PTPRD: variants seen among roughly 807,000 people sequenced by gnomAD.
PTPRD encodes receptor-type tyrosine-protein phosphatase delta.
PTPRD carries 34 observed loss-of-function variants against 214.5 expected under a neutral mutation model. The ratio of observed to expected loss-of-function variants is 0.16; its 90% CI spans 0.12 to 0.21. The LOEUF is 0.21. Among genes scored for constraint, PTPRD ranks in the 10% least tolerant of loss-of-function variants. The probability of loss-of-function intolerance (pLI) is 1.00; values close to 1 mark genes in which losing one functional copy is unlikely to be tolerated. For synonymous variants in PTPRD, 1,128 were observed against 845.7 expected, an observed-to-expected ratio of 1.33 and a Z score of -5.79; for missense variants, 2,545 against 2,398.7, an observed-to-expected ratio of 1.06 and a Z score of -1.27.
intron 8 of PTPRD, among the ~76,000 whole-genome samples, chr9:9,568,185 C>T (rs2085191049): frequency 6.6e-6 from 1 of 151,702 alleles, no homozygotes; most frequent in Non-Finnish European, 1.5e-5. Flanking sequence ...AAGTTAGTTT[C>T]CTGTTATTTG....
intron 11 of PTPRD, among the ~76,000 whole-genome samples, chr9:8,768,853 G>T (rs2094965458): frequency 6.6e-6 from 1 of 152,170 alleles, no homozygotes; most frequent in Non-Finnish European, 1.5e-5. Context: ...TAAGAAAAAT[G>T]AAACTCACTG....
At chr9:10,483,107 T>C (rs113484029) in intron 2 of PTPRD, among the ~76,000 whole-genome samples, 2,561 of 152,158 alleles carry the variant, frequency 0.017, 66 homozygotes, top group African/African-American at 0.058. Context: ...TGGAACACAA[T>C]AGAGAATCCA....
At chr9:10,088,390 C>A (rs1247314532) in intron 3 of PTPRD, among the ~76,000 whole-genome samples, 2 of 151,674 alleles carry the variant, frequency 1.3e-5, no homozygotes, top group Admixed American at 6.6e-5. Context: ...TGTCTATGGA[C>A]CCCAAGTACA....
At position 8,528,382 on chromosome 9, in the gene PTPRD, C is replaced by G. The variant is rs755869226; in HGVS notation, c.541+209G>C. 5 of 624,410 alleles carry G rather than the reference C, an allele frequency of 8.0e-6. No homozygotes were observed. In the South Asian group the frequency reaches 1.0e-4, roughly 13 times the overall value. 38.7% of individuals were successfully genotyped at this position (624,410 alleles called of 1,614,324 possible). Reference sequence around the variant, plus strand: ...AGCAATGTGGATTAAACAGAAGCTGCAAAACACACAGAGAAAAGGAGAAAG... The same window carrying G: ...AGCAATGTGGATTAAACAGAAGCTGGAAAACACACAGAGAAAAGGAGAAAG... On this transcript the variant is annotated intron_variant, in intron 15 of 45. Coordinates refer to ENST00000381196, the MANE Select transcript of PTPRD (RefSeq NM_002839.4).
At chr9:10,016,828 C>G (rs2096727356) in intron 4 of PTPRD, among the ~76,000 whole-genome samples, 1 of 152,026 alleles carries the variant, frequency 6.6e-6, no homozygotes, top group Non-Finnish European at 1.5e-5. Flanking sequence ...TCATGTCTGG[C>G]TAATCTTTTG....
chr9:10,472,328 T>G (rs1437984049), intron 2 of PTPRD, among the ~76,000 whole-genome samples: 1 of 152,160 alleles, frequency 6.6e-6, no homozygotes, highest in East Asian at 1.9e-4. Context: ...CACCTTGAAA[T>G]TAAATGTTTG....
intron 8 of PTPRD, among the ~76,000 whole-genome samples, chr9:9,465,582 C>T (rs1196851678): frequency 6.6e-6 from 1 of 152,194 alleles, no homozygotes; most frequent in Non-Finnish European, 1.5e-5. Context: ...TCTGTCTCTA[C>T]AGGACAGTTT....
intron 4 of PTPRD, among the ~76,000 whole-genome samples, chr9:10,000,864 C>T (rs1438129537): frequency 6.6e-6 from 1 of 152,116 alleles, no homozygotes. Context: ...CATCTGGTGG[C>T]CTGCATTTGC....
At chr9:10,323,731 G>C (rs1294261898) in intron 3 of PTPRD, among the ~76,000 whole-genome samples, 1 of 151,916 alleles carries the variant, frequency 6.6e-6, no homozygotes, top group Non-Finnish European at 1.5e-5. Flanking sequence ...TTTGTCTGCT[G>C]AAAGACGATT....
intron 11 of PTPRD, among the ~76,000 whole-genome samples, chr9:8,759,890 G>C (rs1428365833): frequency 1.3e-5 from 2 of 152,130 alleles, no homozygotes; most frequent in South Asian, 2.1e-4. Flanking sequence ...GTGTTTGTTT[G>C]TATGCTTCGA....
chr9:10,575,806 C>T (rs1046238600), intron 2 of PTPRD, among the ~76,000 whole-genome samples: 1 of 152,100 alleles, frequency 6.6e-6, no homozygotes, highest in Non-Finnish European at 1.5e-5. Flanking sequence ...CTCTCCCCAA[C>T]CCTTTCTCTC....
At chr9:9,922,963 T>C (rs1566355446) in intron 5 of PTPRD, among the ~76,000 whole-genome samples, 1 of 152,010 alleles carries the variant, frequency 6.6e-6, no homozygotes, top group Admixed American at 6.6e-5. Context: ...TCTAATTCTA[T>C]CAAAGTATTT....
chr9:8,385,909 G>C (rs1472269269), intron 37 of PTPRD, among the ~76,000 whole-genome samples: 1 of 152,110 alleles, frequency 6.6e-6, no homozygotes, highest in Non-Finnish European at 1.5e-5. Flanking sequence ...AATTAACCAT[G>C]TTCAGGGACA....
intron 3 of PTPRD, among the ~76,000 whole-genome samples, chr9:10,133,441 G>A (rs2098917122): frequency 6.6e-6 from 1 of 152,036 alleles, no homozygotes; most frequent in Non-Finnish European, 1.5e-5. Context: ...GGACAAAGCA[G>A]ATACATATAT....
At chr9:10,569,367 C>T (rs1225976866) in intron 2 of PTPRD, among the ~76,000 whole-genome samples, 8 of 152,140 alleles carry the variant, frequency 5.3e-5, no homozygotes, top group Non-Finnish European at 8.8e-5. Flanking sequence ...CCAGTATTCC[C>T]GGTTAACATA....
At chr9:9,781,866 C>G (rs558021113) in intron 5 of PTPRD, among the ~76,000 whole-genome samples, 4 of 151,334 alleles carry the variant, frequency 2.6e-5, no homozygotes, top group African/African-American at 9.7e-5. Context: ...AATCTCGGCT[C>G]GCTGCAAGCT....
chr9:9,495,038 A>G (rs1412936594), intron 8 of PTPRD, among the ~76,000 whole-genome samples: 1 of 152,186 alleles, frequency 6.6e-6, no homozygotes. Flanking sequence ...ATTTTTGACA[A>G]GAGCACCAAG....
intron 11 of PTPRD, among the ~76,000 whole-genome samples, chr9:8,833,906 G>A (rs1343572790): frequency 7.7e-6 from 1 of 129,886 alleles, no homozygotes; most frequent in East Asian, 2.8e-4. Flanking sequence ...ACCAACTTAT[G>A]GATAAATGTA....
chr9:10,018,883 G>A (rs2096784327), intron 4 of PTPRD, among the ~76,000 whole-genome samples: 1 of 152,020 alleles, frequency 6.6e-6, no homozygotes, highest in Non-Finnish European at 1.5e-5. Context: ...TTGTTAATAT[G>A]CACAATACTT....
Sources: gnomAD v4.1 joint callset for allele counts (sites outside exome capture counted in the v4.1 genomes callset) on GRCh38, gnomAD v4.1.1 for gene constraint, MANE v1.5 for transcripts, NCBI Gene and HGNC (gene_info 2026-07-23, HGNC 2026-07-21) for gene names.